The following PTCSC3 variants were observed in gnomAD, a reference collection of about 807,000 sequenced individuals.
PTCSC3 encodes papillary thyroid carcinoma susceptibility candidate 3.
intron 1 of PTCSC3, among the ~76,000 whole-genome samples, chr14:36,167,097 GA>G (rs892079976): frequency 5.9e-5 from 9 of 152,226 alleles, no homozygotes; most frequent in Admixed American, 2.0e-4. Context: ...CAACTTTCTG[GA>G]TGTTAGAACA....
intron 2 of PTCSC3, among the ~76,000 whole-genome samples, chr14:36,155,935 T>A (rs1344365407): frequency 6.6e-6 from 1 of 152,252 alleles, no homozygotes; most frequent in East Asian, 1.9e-4. Context: ...GACTTTCACA[T>A]TAGCAGAAAT....
intron 1 of PTCSC3, among the ~76,000 whole-genome samples, chr14:36,174,981 G>C (rs1202466398): frequency 6.6e-6 from 1 of 152,140 alleles, no homozygotes; most frequent in Non-Finnish European, 1.5e-5. Flanking sequence ...CAACTGCATA[G>C]CATCTGACAT....
At chr14:36,161,671 A>G (rs1418646204) in intron 2 of PTCSC3, among the ~76,000 whole-genome samples, 1 of 152,142 alleles carries the variant, frequency 6.6e-6, no homozygotes, top group East Asian at 1.9e-4. Context: ...CCCGGCTGGG[A>G]GGTGTCTCTC....
At chr14:36,163,515 TATAAA>T (rs1248535676) in intron 1 of PTCSC3, among the ~76,000 whole-genome samples, 1 of 151,268 alleles carries the variant, frequency 6.6e-6, no homozygotes, top group East Asian at 1.9e-4. Flanking sequence ...AAAAGAAAAA[TATAAA>T]AGAAAATCTG....
At chr14:36,160,007 T>C (rs1491003828) in intron 2 of PTCSC3, among the ~76,000 whole-genome samples, 2 of 152,196 alleles carry the variant, frequency 1.3e-5, no homozygotes, top group Non-Finnish European at 2.9e-5. Context: ...TTGATCTTTA[T>C]TGGTTTAAAG....
At chr14:36,170,439 C>T (rs1882170202) in intron 1 of PTCSC3, among the ~76,000 whole-genome samples, 1 of 152,178 alleles carries the variant, frequency 6.6e-6, no homozygotes, top group South Asian at 2.1e-4. Context: ...TTTTGACATT[C>T]CTTAAATATA....
chr14:36,135,929 G>A (rs370431147), downstream of PTCSC3, among the ~76,000 whole-genome samples: 4 of 150,556 alleles, frequency 2.7e-5, no homozygotes, highest in East Asian at 1.9e-4. Flanking sequence ...ATGTGTGTGT[G>A]TATATATATA....
At chr14:36,147,088 C>T (rs1881592505) in intron 3 of PTCSC3, among the ~76,000 whole-genome samples, 1 of 152,072 alleles carries the variant, frequency 6.6e-6, no homozygotes, top group Non-Finnish European at 1.5e-5. Context: ...CTCTAGCTGC[C>T]CTTAACATTT....
chr14:36,151,061 T>G (rs1881710706), intron 3 of PTCSC3, among the ~76,000 whole-genome samples: 1 of 152,202 alleles, frequency 6.6e-6, no homozygotes, highest in African/African-American at 2.4e-5. Flanking sequence ...GCAAGGCAAA[T>G]AAATCTATTG....
Position 36,138,346 on chromosome 14 carries a change from T to C in PTCSC3, n.323-1990A>G, listed in dbSNP as rs550425528. Among the ~76,000 whole-genome samples, 3 of 152,172 alleles carry C rather than the reference T, an allele frequency of 2.0e-5. No homozygotes were observed. The South Asian group carries it at 6.2e-4, about 32-fold the overall frequency. On this transcript the variant is annotated intron_variant and non_coding_transcript_variant, in intron 3 of 3. Coordinates refer to ENST00000556013, the Ensembl canonical transcript of PTCSC3. ...ACACAAAGTTGTAAAAGAAAATAAA[T>C]TGGACTTCAAAATTTCAAAACTTCT...
At chr14:36,173,315 G>A (rs1882221696) in intron 1 of PTCSC3, among the ~76,000 whole-genome samples, 1 of 152,080 alleles carries the variant, frequency 6.6e-6, no homozygotes, top group Non-Finnish European at 1.5e-5. Flanking sequence ...TATTAGATGA[G>A]TCAGACTCTT....
intron 3 of PTCSC3, among the ~76,000 whole-genome samples, chr14:36,141,106 T>A (rs1881409810): frequency 6.6e-6 from 1 of 152,216 alleles, no homozygotes; most frequent in Non-Finnish European, 1.5e-5. Flanking sequence ...TGTCTATTTT[T>A]TAAATTAATA....
chr14:36,148,730 T>A (rs1442302804), intron 3 of PTCSC3, among the ~76,000 whole-genome samples: 3 of 152,190 alleles, frequency 2.0e-5, no homozygotes, highest in Non-Finnish European at 4.4e-5. Context: ...ATTCAGATGG[T>A]CTATTTCTCC....
At chr14:36,176,351 G>A (rs1185328681) in exon 1 of PTCSC3, 2 of 151,624 alleles carry the variant, frequency 1.3e-5, no homozygotes, top group Admixed American at 6.6e-5. Flanking sequence ...TTCCTCTTCT[G>A]CTTGGCCTTT....
chr14:36,148,331 A>ACCCT (rs1881638215), intron 3 of PTCSC3, among the ~76,000 whole-genome samples: 2 of 151,556 alleles, frequency 1.3e-5, no homozygotes, highest in South Asian at 4.2e-4. Context: ...TAGGCATAGG[A>ACCCT]CCCTCCGAGC....
chr14:36,173,266 A>T (rs1036701441), intron 1 of PTCSC3, among the ~76,000 whole-genome samples: 5 of 152,184 alleles, frequency 3.3e-5, no homozygotes, highest in East Asian at 1.9e-4. Flanking sequence ...GAAGAATTTT[A>T]AAAAATGTAC....
rs1330783071 is a variant in PTCSC3, at chr14:36,146,486, C to T, written n.322+7318G>A. 2.0e-5 allele frequency among the ~76,000 whole-genome samples: 3 copies of T among 151,428 alleles called. No homozygotes were observed. In the East Asian group the frequency reaches 5.8e-4, roughly 29 times the overall value. ...TTTATCAGAGACTAGGATTGCAACC[C>T]CTGCCTTTTTTTGTTTTCCATTTGC... On this transcript the variant is annotated intron_variant and non_coding_transcript_variant, in intron 3 of 3. Transcript: ENST00000556013.
Position 36,161,675 on chromosome 14 carries a change from G to A in PTCSC3, n.231+949C>T, listed in dbSNP as rs536368007. Among the ~76,000 whole-genome samples the A allele has an allele frequency of 5.9e-5, 9 of 152,340 alleles. No individual in the cohort carries two copies. The South Asian group carries it at 1.9e-3, about 32-fold the overall frequency. On this transcript the variant is annotated intron_variant and non_coding_transcript_variant, in intron 2 of 3. Transcript: ENST00000556013. ...TGTCTGTCCACCCCGGCTGGGAGGTGTCTCTCAGTCAGGAGACATGGGGGT... is the reference window on the plus strand; with the variant it reads ...TGTCTGTCCACCCCGGCTGGGAGGTATCTCTCAGTCAGGAGACATGGGGGT...
At chr14:36,158,918 C>A (rs2139104123) in intron 2 of PTCSC3, among the ~76,000 whole-genome samples, 1 of 152,302 alleles carries the variant, frequency 6.6e-6, no homozygotes, top group East Asian at 1.9e-4. Context: ...TTAATTACTG[C>A]CTGAATTGCA....
Sources: gnomAD v4.1 joint callset for allele counts (sites outside exome capture counted in the v4.1 genomes callset) on GRCh38, gnomAD v4.1.1 for gene constraint, MANE v1.5 for transcripts, NCBI Gene and HGNC (gene_info 2026-07-23, HGNC 2026-07-21) for gene names.